The following EFR3B variants were observed in gnomAD, a reference collection of about 807,000 sequenced individuals.
EFR3B encodes the protein EFR3 homolog B.
Under a neutral mutation model 104.7 loss-of-function variants are expected in EFR3B, and 64 were observed. The ratio of observed to expected loss-of-function variants is 0.61; its 90% confidence interval spans 0.50 to 0.75. EFR3B has a LOEUF of 0.75. Among genes scored for constraint, EFR3B ranks in the 30% least tolerant of loss-of-function variants. The probability of loss-of-function intolerance (pLI) is 0.00; values close to 1 mark genes in which losing one functional copy is unlikely to be tolerated. For missense variants in EFR3B, 750 were observed against 1,078.5 expected (o/e 0.70, Z 4.27); for synonymous variants, 385 against 417.9 (o/e 0.92, Z 0.96).
At chr2:25,129,285 T>C (rs1033607236) in intron 6 of EFR3B, among the ~76,000 whole-genome samples, 1 of 139,972 alleles carries the variant, frequency 7.1e-6, no homozygotes, top group African/African-American at 2.6e-5. Context: ...TTAGGTCGGT[T>C]GATCCCAGGC....
chr2:25,114,917 G>C lies in EFR3B; in HGVS notation c.364-6756G>C, dbSNP rs1400815789. Reference sequence around the variant, plus strand: ...ATGCAGGTACCTGGCCGGGCGCAGTGGCTGACGCCTGTAATCCCAGCACTT... The same window carrying C: ...ATGCAGGTACCTGGCCGGGCGCAGTCGCTGACGCCTGTAATCCCAGCACTT... On this transcript the variant is annotated intron_variant, in intron 4 of 22. Transcript: ENST00000403714. This position sits in a 1 kb window ranked among gnomAD's most constrained non-coding sequence, Gnocchi z 4.0. Among the ~76,000 whole-genome samples, 1 of 152,230 alleles carries C rather than the reference G, an allele frequency of 6.6e-6. No individual in the cohort carries two copies. The highest frequency in any genetic ancestry group is 2.4e-5 in the African/African-American group (1 of 41,454).
At chr2:25,067,798 T>C (rs1668379759) in intron 1 of EFR3B, among the ~76,000 whole-genome samples, 1 of 152,174 alleles carries the variant, frequency 6.6e-6, no homozygotes, top group Non-Finnish European at 1.5e-5. Flanking sequence ...TTCCCTGCCT[T>C]ATTTAGCCAG....
chr2:25,045,338 A>G (rs1465484498), intron 1 of EFR3B, among the ~76,000 whole-genome samples: 1 of 152,216 alleles, frequency 6.6e-6, no homozygotes, highest in Non-Finnish European at 1.5e-5. Flanking sequence ...CTAAAAGGAC[A>G]CAGTGACTGC....
intron 3 of EFR3B, among the ~76,000 whole-genome samples, chr2:25,095,226 T>C (rs1026070301): frequency 6.6e-6 from 1 of 152,254 alleles, no homozygotes; most frequent in African/African-American, 2.4e-5. Context: ...GTGTATGTCA[T>C]TTGATAAAAT....
rs766281554 is a variant in EFR3B at position 25,050,130 on chromosome 2, GA to G, written c.7+7824del. ...GGGCAACAAGAGTGAAACTCCATCTGAAAAAAAAAAAAATAGATAAGGAGAT... is the reference window on the plus strand; with the variant it reads ...GGGCAACAAGAGTGAAACTCCATCTGAAAAAAAAAAAATAGATAAGGAGAT... On this transcript the variant is annotated intron_variant, in intron 1 of 22. Coordinates refer to ENST00000403714, the MANE Select transcript of EFR3B (RefSeq NM_014971.2). 3.7e-3 allele frequency among the ~76,000 whole-genome samples: 517 copies of G among 138,516 alleles called. 1 individual carries two copies. The highest frequency in any genetic ancestry group is 7.6e-3 in the African/African-American group (289 of 37,934). 90.9% of individuals were successfully genotyped at this position (138,516 alleles called of 152,430 possible). A position where few individuals can be genotyped will look rare whatever the true frequency, so the allele number is the denominator to read the frequency against.
intron 1 of EFR3B, among the ~76,000 whole-genome samples, chr2:25,065,321 C>T (rs934772297): frequency 6.6e-6 from 1 of 150,482 alleles, no homozygotes; most frequent in Non-Finnish European, 1.5e-5. Context: ...GCTGGGACTA[C>T]AGGTGCGCAT....
Position 25,156,425 on chromosome 2 carries a change from GT to G in EFR3B, c.*2086del, listed in dbSNP as rs1412756252. ...TGATTCTCCTGCCTCAGCCTCCTGA[GT>G]AGCTGGGATTACAGGCGTGCACCAC... On this transcript the variant is annotated 3_prime_UTR_variant, in exon 23 of 23. Coordinates refer to ENST00000403714, the MANE Select transcript of EFR3B (RefSeq NM_014971.2). 14 of 150,616 alleles carry G rather than the reference GT, an allele frequency of 9.3e-5. No homozygotes were observed. The highest frequency in any genetic ancestry group is 3.2e-4 in the African/African-American group (13 of 40,742). 9.3% of individuals were successfully genotyped at this position (150,616 alleles called of 1,614,324 possible). A position where few individuals can be genotyped will look rare whatever the true frequency, so the allele number is the denominator to read the frequency against.
rs537642657 is a variant in EFR3B at position 25,133,268 on chromosome 2, G to A, written c.1260-115G>A. 5.9e-6 allele frequency: 7 copies of A among 1,194,588 alleles called. No homozygotes were observed. The African/African-American group carries it at 6.0e-5, about 10-fold the overall frequency. 74.0% of individuals were successfully genotyped at this position (1,194,588 alleles called of 1,614,324 possible). ...CTGGGTCCGGAAGTCACTGTCCTGG[G>A]TAACCCAACACGATAAGCCTCATGG... On this transcript the variant is annotated intron_variant, in intron 11 of 22. Coordinates refer to ENST00000403714, the MANE Select transcript of EFR3B (RefSeq NM_014971.2).
chr2:25,103,255 A>C (rs1331682921), intron 3 of EFR3B, among the ~76,000 whole-genome samples: 1 of 152,216 alleles, frequency 6.6e-6, no homozygotes, highest in African/African-American at 2.4e-5. Flanking sequence ...GGCACTCGAT[A>C]AATACTTCTT....
chr2:25,125,432 A>G (rs1271399999), intron 5 of EFR3B, among the ~76,000 whole-genome samples: 1 of 152,170 alleles, frequency 6.6e-6, no homozygotes, highest in Non-Finnish European at 1.5e-5. Context: ...GCAGGACAGT[A>G]TTCCTGATCG....
chr2:25,067,243 C>G (rs1158521426), intron 1 of EFR3B, among the ~76,000 whole-genome samples: 1 of 151,940 alleles, frequency 6.6e-6, no homozygotes, highest in Non-Finnish European at 1.5e-5. Context: ...CCTAGGCACC[C>G]CCACCCAGCT....
At chr2:25,133,979 A>C (rs1670451717) in intron 12 of EFR3B, among the ~76,000 whole-genome samples, 1 of 152,142 alleles carries the variant, frequency 6.6e-6, no homozygotes, top group African/African-American at 2.4e-5. Flanking sequence ...AGAGGTTTTA[A>C]GCTGTTAGCC....
At chr2:25,084,108 A>G (rs1472857189) in intron 1 of EFR3B, among the ~76,000 whole-genome samples, 1 of 152,182 alleles carries the variant, frequency 6.6e-6, no homozygotes, top group East Asian at 1.9e-4. Flanking sequence ...TAGGCAGGTA[A>G]CTTAACCACT....
chr2:25,066,313 TAGA>T (rs1668337098), intron 1 of EFR3B, among the ~76,000 whole-genome samples: 1 of 152,164 alleles, frequency 6.6e-6, no homozygotes, highest in South Asian at 2.1e-4. Context: ...AAGAGCACAA[TAGA>T]AGGTGATAGT....
rs1240787755 is a variant in EFR3B, at chr2:25,159,033, G to C, written c.*4693G>C. On this transcript the variant is annotated 3_prime_UTR_variant, in exon 23 of 23. Coordinates refer to ENST00000403714, the MANE Select transcript of EFR3B (RefSeq NM_014971.2). The stretch of plus-strand genomic sequence containing the variant: ...GAAAGGCGGAGTGGGGGGAAGTATA[G>C]GAAGAAGGATTCTTAGCAAAATCAT... 6.6e-6 allele frequency: 1 copy of C among 152,200 alleles called. No individual in the cohort carries two copies. Among genetic ancestry groups the C allele is most frequent in the Non-Finnish European group, 1.5e-5 (1 of 68,038 alleles). 9.4% of individuals were successfully genotyped at this position (152,200 alleles called of 1,614,324 possible). A position where few individuals can be genotyped will look rare whatever the true frequency, so the allele number is the denominator to read the frequency against.
chr2:25,099,021 T>C (rs1439798464), intron 3 of EFR3B, among the ~76,000 whole-genome samples: 2 of 151,936 alleles, frequency 1.3e-5, no homozygotes, highest in Non-Finnish European at 2.9e-5. Flanking sequence ...AATGGTGAAA[T>C]GCTGCAGATC....
chr2:25,129,773 C>T (rs781044441), intron 6 of EFR3B, among the ~76,000 whole-genome samples: 11 of 152,194 alleles, frequency 7.2e-5, no homozygotes, highest in African/African-American at 2.4e-4. Context: ...TTTTCTTCTC[C>T]GGTCTTCCCC....
At chr2:25,138,838 C>G (rs1391946272) in intron 15 of EFR3B, among the ~76,000 whole-genome samples, 2 of 152,184 alleles carry the variant, frequency 1.3e-5, no homozygotes, top group African/African-American at 4.8e-5. Context: ...TGTGAGTACT[C>G]AAGAGCCTCC....
Position 25,139,127 on chromosome 2 carries a change from A to G in EFR3B, c.1791A>G (p.Ala597=). The G allele has an allele frequency of 6.4e-7, 1 of 1,551,744 alleles. No individual in the cohort carries two copies. Among genetic ancestry groups the G allele is most frequent in the South Asian group, 1.2e-5 (1 of 84,060 alleles). Residue 597 remains alanine (A), a synonymous_variant, in exon 16 of 23, where the codon GCA becomes GCG. Transcript: ENST00000403714. Reference sequence around the variant, plus strand: ...GCTGTGCCCTCTATGCTCTGGGCGCAGCCTACCTGAACCTCATCAGTCAGC... The same window carrying G: ...GCTGTGCCCTCTATGCTCTGGGCGCGGCCTACCTGAACCTCATCAGTCAGC... ...YNRCALYALG[A]AYLNLISQLT... is the part of the protein sequence containing the mutation.
Sources: allele counts gnomAD v4.1 joint callset (sites outside exome capture counted in the v4.1 genomes callset), GRCh38; gene constraint gnomAD v4.1.1; non-coding constraint Gnocchi (gnomAD v3.1); transcripts MANE v1.5; gene names NCBI Gene and HGNC (gene_info 2026-07-23, HGNC 2026-07-21).